MINDY4: variants seen among roughly 807,000 people sequenced by gnomAD.
MINDY4 encodes the protein MINDY lysine 48 deubiquitinase 4.
A neutral mutation model predicts 87.0 loss-of-function variants in MINDY4; 68 were observed. That is an observed-to-expected ratio of 0.78 (90% CI 0.64 to 0.96). The LOEUF is 0.96. Ranked by LOEUF, MINDY4 falls within the 40% of genes least tolerant of loss-of-function variation. MINDY4 has a pLI of 0.00. For missense variants in MINDY4, 919 were observed against 928.2 expected (o/e 0.99, Z 0.13); for synonymous variants, 379 against 363.2 (o/e 1.04, Z -0.50).
chr7:30,815,795 A>C (rs1788129681), intron 5 of MINDY4, among the ~76,000 whole-genome samples: 1 of 152,178 alleles, frequency 6.6e-6, no homozygotes, highest in South Asian at 2.1e-4. Context: ...AGCCGTGCCC[A>C]GGAAACCAGC....
intron 17 of MINDY4, among the ~76,000 whole-genome samples, chr7:30,890,256 A>G (rs976343411): frequency 6.6e-6 from 1 of 152,236 alleles, no homozygotes; most frequent in Non-Finnish European, 1.5e-5. Flanking sequence ...GGACAAATCA[A>G]AATTTCTTGG....
intron 7 of MINDY4, among the ~76,000 whole-genome samples, chr7:30,837,361 G>A (rs112945183): frequency 0.034 from 5,178 of 152,236 alleles, 134 homozygotes; most frequent in Middle Eastern, 0.086. Context: ...TGTCATTCCC[G>A]CTGTCCTCTT....
intron 6 of MINDY4, among the ~76,000 whole-genome samples, chr7:30,829,545 C>A (rs1004602719): frequency 6.6e-6 from 1 of 152,220 alleles, no homozygotes; most frequent in African/African-American, 2.4e-5. Flanking sequence ...AGCAGTGCCC[C>A]TATTTAGAAC....
At chr7:30,793,928 C>T (rs1009416023) in intron 5 of MINDY4, among the ~76,000 whole-genome samples, 3 of 152,150 alleles carry the variant, frequency 2.0e-5, no homozygotes, top group Non-Finnish European at 2.9e-5. Context: ...AAAAAGCATC[C>T]TTCAACCCAG....
At chr7:30,858,052 A>G (rs1384850026) in intron 12 of MINDY4, 1 of 151,640 alleles carries the variant, frequency 6.6e-6, no homozygotes, top group African/African-American at 2.4e-5. Flanking sequence ...TTTTTTTCTA[A>G]TTTTAAGTCC....
At position 30,892,225 on chromosome 7, in the gene MINDY4, A is replaced by G; in HGVS notation, c.*220A>G. ...TGGGTCCCCTCCCAGCTGAGCTGTG[A>G]CTGCTGAGTACTGGAAGGAGGTTGC... On this transcript the variant is annotated 3_prime_UTR_variant, in exon 18 of 18. Coordinates refer to ENST00000265299, the MANE Select transcript of MINDY4 (RefSeq NM_032222.3). 1.8e-6 allele frequency: 1 copy of G among 561,288 alleles called. No individual in the cohort carries two copies. The highest frequency in any genetic ancestry group is 3.2e-6 in the Non-Finnish European group (1 of 314,890). The allele number at this position is 561,288 out of a possible 1,614,324, so 34.8% of individuals were successfully genotyped here. A position where few individuals can be genotyped will look rare whatever the true frequency, so the allele number is the denominator to read the frequency against.
intron 4 of MINDY4, chr7:30,786,630 G>GAAAAAAAAAA (rs59508821): frequency 1.7e-5 from 2 of 119,166 alleles, no homozygotes; most frequent in Non-Finnish European, 1.8e-5. Context: ...GTCTCAAAAA[G>GAAAAAAAAAA]AAAAAAAAAA....
chr7:30,791,485 G>A lies in MINDY4; in HGVS notation c.984G>A (p.Lys328=), dbSNP rs563349387. 2.3e-5 allele frequency: 37 copies of A among 1,614,046 alleles called. No homozygotes were observed. The highest frequency in any genetic ancestry group is 2.0e-4 in the South Asian group (18 of 91,086). ...CAGACACGGACAGGATGCCCTTGAAGCTCTACTTGCCTGGTGGTAATTCCA... is the reference window on the plus strand; with the variant it reads ...CAGACACGGACAGGATGCCCTTGAAACTCTACTTGCCTGGTGGTAATTCCA... The part of the protein sequence containing the change: ...GSTDTDRMPL[K]LYLPGGNSRM... The change falls in exon 5 of 18, where the codon AAG becomes AAA. Residue 328 remains lysine, a synonymous_variant. Coordinates refer to ENST00000265299, the MANE Select transcript of MINDY4 (RefSeq NM_032222.3).
At position 30,791,334 on chromosome 7, in the gene MINDY4, T is replaced by C; in HGVS notation, c.833T>C (p.Leu278Pro). 6.2e-7 allele frequency: 1 copy of C among 1,614,126 alleles called. No homozygotes were observed. The highest frequency in any genetic ancestry group is 8.5e-7 in the Non-Finnish European group (1 of 1,180,016). Reference protein sequence around the residue: ...SRTSLGQLSELTVERQKTTAS... With the variant: ...SRTSLGQLSEPTVERQKTTAS... ...ACCTCCCTGGGTCAGCTTAGTGAAC[T>C]GACCGTAGAAAGGCAGAAAACCACT... Residue 278 changes from leucine to proline, a missense_variant, in exon 5 of 18, where the codon CTG (leucine) becomes CCG (proline). Physicochemically the swap from Leu to Pro is moderately conservative, Grantham distance 98. Transcript: ENST00000265299.
intron 5 of MINDY4, among the ~76,000 whole-genome samples, chr7:30,794,153 C>T (rs1429571450): frequency 3.9e-5 from 6 of 152,106 alleles, no homozygotes; most frequent in Admixed American, 2.6e-4. Flanking sequence ...GAAACCAGGG[C>T]CAAAGTAATC....
chr7:30,876,748 G>C (rs879844632), intron 15 of MINDY4, among the ~76,000 whole-genome samples: 26 of 152,168 alleles, frequency 1.7e-4, no homozygotes, highest in Non-Finnish European at 2.2e-4. Flanking sequence ...GGCAGCAGGA[G>C]TGCTTTTCAC....
chr7:30,814,707 C>T (rs1478932650), intron 5 of MINDY4, among the ~76,000 whole-genome samples: 1 of 152,164 alleles, frequency 6.6e-6, no homozygotes, highest in Non-Finnish European at 1.5e-5. Context: ...AATCAAAGCC[C>T]AGGGAAGGTG....
rs187466713 is a variant in MINDY4 at position 30,854,848 on chromosome 7, C to T, written c.1677+1389C>T. Among the ~76,000 whole-genome samples, 12 of 152,328 alleles carry T rather than the reference C, an allele frequency of 7.9e-5. No homozygotes were observed. In the East Asian group the frequency reaches 1.2e-3, roughly 15 times the overall value. On this transcript the variant is annotated intron_variant, in intron 12 of 17. Coordinates refer to ENST00000265299, the MANE Select transcript of MINDY4 (RefSeq NM_032222.3). ...AACAAAAGGAGGCAGGTGAGGTCAC[C>T]GGAGGGGCAATCCACCTGAAGTGCT...
intron 6 of MINDY4, among the ~76,000 whole-genome samples, chr7:30,831,629 T>C (rs1177118395): frequency 6.6e-6 from 1 of 152,086 alleles, no homozygotes; most frequent in Non-Finnish European, 1.5e-5. Context: ...GGGTCTTTTA[T>C]TGAAACTGAA....
rs3076404 is a variant in MINDY4, at chr7:30,776,998, C to CTTTCTT, written c.64-1418_64-1413dup. 2.6e-4 allele frequency among the ~76,000 whole-genome samples: 39 copies of CTTTCTT among 151,406 alleles called. No homozygotes were observed. In the East Asian group the frequency reaches 7.5e-3, roughly 29 times the overall value. ...TTTCTTTTCTTTCCTTTTCTTCTTT[C>CTTTCTT]TTTCTTTTTCTTTTTCTTTTTTTTT... is the stretch of plus-strand genomic sequence containing the variant. On this transcript the variant is annotated intron_variant, in intron 1 of 17. Coordinates refer to ENST00000265299, the MANE Select transcript of MINDY4 (RefSeq NM_032222.3).
chr7:30,875,314 G>T (rs74431424), intron 14 of MINDY4, among the ~76,000 whole-genome samples, 181 bp from the exon 15 acceptor site: 1 of 152,350 alleles, frequency 6.6e-6, no homozygotes, highest in East Asian at 1.9e-4. Flanking sequence ...GATGAGAAAA[G>T]TTGGTGCCTT....
chr7:30,809,806 A>G (rs547587116), intron 5 of MINDY4, among the ~76,000 whole-genome samples: 32 of 151,928 alleles, frequency 2.1e-4, no homozygotes, highest in African/African-American at 1.7e-4. Context: ...GGGAAAAAAA[A>G]GGGGGGCAGA....
intron 13 of MINDY4, among the ~76,000 whole-genome samples, chr7:30,866,032 G>A (rs1023567517): frequency 3.3e-5 from 5 of 152,192 alleles, no homozygotes; most frequent in African/African-American, 1.2e-4. Flanking sequence ...ACTGTGCCTG[G>A]GCCAGACCCC....
At chr7:30,827,572 G>T (rs1788550520) in intron 5 of MINDY4, among the ~76,000 whole-genome samples, 1 of 152,170 alleles carries the variant, frequency 6.6e-6, no homozygotes, top group South Asian at 2.1e-4. Context: ...TGGTGGTGTT[G>T]GGCAGAGGGG....
Sources: allele counts gnomAD v4.1 joint callset (sites outside exome capture counted in the v4.1 genomes callset), GRCh38; gene constraint gnomAD v4.1.1; transcripts MANE v1.5; gene names NCBI Gene and HGNC (gene_info 2026-07-23, HGNC 2026-07-21).